TAF4: variants seen among roughly 807,000 people sequenced by gnomAD.
The protein encoded by TAF4 is transcription initiation factor TFIID subunit 4.
In TAF4, 9 loss-of-function variants were observed where a neutral mutation model predicts 90.3. The observed-to-expected ratio is 0.10, with a 90% CI of 0.06 to 0.17. The LOEUF (loss-of-function observed/expected upper bound fraction) is 0.17, where lower values mean the gene tolerates loss of function less well. Among genes scored for constraint, TAF4 ranks in the 10% least tolerant of loss-of-function variants. The pLI is 1.00. For missense variants in TAF4, 1,351 were observed against 1,370.7 expected (o/e 0.99, Z 0.23); for synonymous variants, 818 against 638.9 (o/e 1.28, Z -4.23).
chr20:61,990,513 C>A (rs1484879182), intron 14 of TAF4, among the ~76,000 whole-genome samples: 1 of 152,176 alleles, frequency 6.6e-6, no homozygotes, highest in Non-Finnish European at 1.5e-5. Context: ...CAGCCATCAC[C>A]TGAAGGACGC....
intron 9 of TAF4, 66 bp downstream of exon 9, chr20:62,003,094 G>A (rs2055717699): frequency 1.4e-6 from 2 of 1,409,422 alleles, no homozygotes; most frequent in Admixed American, 1.7e-5. Flanking sequence ...GAATGGAGCA[G>A]CACGGACTCT....
At chr20:62,055,931 A>ACACC (rs1366500051) in intron 1 of TAF4, among the ~76,000 whole-genome samples, 1 of 152,176 alleles carries the variant, frequency 6.6e-6, no homozygotes, top group Non-Finnish European at 1.5e-5. Flanking sequence ...GGCCCAGTAC[A>ACACC]CACCCTCGGA....
chr20:62,004,531 T>C (rs879093680), intron 7 of TAF4: 1 of 151,886 alleles, frequency 6.6e-6, no homozygotes, highest in Admixed American at 6.6e-5. Context: ...TTTCACCACA[T>C]TGGCCAGGTT....
In TAF4 at chr20:62,063,449, G is replaced by C. The variant is rs1356456643; in HGVS notation, c.1360+1002C>G. Among the ~76,000 whole-genome samples the C allele has an allele frequency of 2.6e-5, 4 of 152,172 alleles. No homozygotes were observed. The East Asian group carries it at 7.7e-4, about 29-fold the overall frequency. On this transcript the variant is annotated intron_variant, in intron 1 of 14. Transcript: ENST00000252996. The stretch of plus-strand genomic sequence containing the variant: ...TGCCCAGCACCCACCACGGCGGCTG[G>C]GGAGGGACGGGGAGCCCCAGACAAA...
At chr20:62,034,208 G>A (rs941426512) in intron 1 of TAF4, among the ~76,000 whole-genome samples, 5 of 152,176 alleles carry the variant, frequency 3.3e-5, no homozygotes, top group African/African-American at 1.2e-4. Flanking sequence ...TTCTCTAGGT[G>A]CGACCCTCAA....
intron 1 of TAF4, among the ~76,000 whole-genome samples, chr20:62,017,883 CA>C (rs908335712): frequency 3.8e-4 from 56 of 147,388 alleles, no homozygotes; most frequent in Admixed American, 1.1e-3. Flanking sequence ...GGAATACGTT[CA>C]AAAAAAAAAG....
chr20:62,022,642 G>T (rs1220616178), intron 1 of TAF4, among the ~76,000 whole-genome samples: 1 of 152,156 alleles, frequency 6.6e-6, no homozygotes, highest in Non-Finnish European at 1.5e-5. Flanking sequence ...CTCTAAGCGG[G>T]TGCTGTGCTG....
chr20:62,021,502 C>CA (rs1418344495), intron 1 of TAF4, among the ~76,000 whole-genome samples: 13 of 152,252 alleles, frequency 8.5e-5, no homozygotes, highest in South Asian at 2.1e-4. Flanking sequence ...TGGCTCGACT[C>CA]AAACAGCGTG....
intron 1 of TAF4, among the ~76,000 whole-genome samples, chr20:62,022,315 C>G (rs1192280372): frequency 1.3e-5 from 2 of 152,136 alleles, no homozygotes; most frequent in Admixed American, 6.5e-5. Context: ...AAGGCAGCCC[C>G]TCTGGAAGGC....
Position 62,065,291 on chromosome 20 carries a change from G to T in TAF4, c.520C>A (p.Pro174Thr). 3.3e-6 allele frequency: 3 copies of T among 921,328 alleles called. No homozygotes were observed. Among genetic ancestry groups the T allele is most frequent in the South Asian group, 5.0e-5 (1 of 20,166 alleles). The allele number at this position is 921,328 out of a possible 1,614,324, so 57.1% of individuals were successfully genotyped here. A position where few individuals can be genotyped will look rare whatever the true frequency, so the allele number is the denominator to read the frequency against. Residue 174 changes from proline (P) to threonine (T), a missense_variant, in exon 1 of 15, where the codon CCC (proline) becomes ACC (threonine). Physicochemically the swap from Pro to Thr is conservative, Grantham distance 38. Around this residue, in one of 9 missense-constraint regions of TAF4, gnomAD observed 782 missense variants for 536.6 expected, o/e 1.46. Transcript: ENST00000252996. Reference protein sequence around the residue: ...AALAARAGPGPGPGPGPGPGP... With the variant: ...AALAARAGPGTGPGPGPGPGP... Reference sequence around the variant, plus strand: ...GGGCCGGGGCCGGGGCCGGGCCCGGGGCCGGGGCCGGCGCGGGCGGCCAGC... The same window carrying T: ...GGGCCGGGGCCGGGGCCGGGCCCGGTGCCGGGGCCGGCGCGGGCGGCCAGC...
intron 12 of TAF4, 36 bp downstream of exon 12, chr20:61,998,947 G>A: frequency 6.2e-7 from 1 of 1,607,496 alleles, no homozygotes; most frequent in Non-Finnish European, 8.5e-7. Flanking sequence ...TGAGACGGAG[G>A]TGCCCAGACG....
At chr20:62,021,476 G>C (rs1473594291) in intron 1 of TAF4, among the ~76,000 whole-genome samples, 1 of 152,270 alleles carries the variant, frequency 6.6e-6, no homozygotes, top group Non-Finnish European at 1.5e-5. Flanking sequence ...ACAGGGAGCA[G>C]AAGCAGCACA....
rs1045880834 is a variant in TAF4 at position 62,065,859 on chromosome 20, T to C, written c.-49A>G. 1.9e-4 allele frequency: 227 copies of C among 1,192,916 alleles called. No individual in the cohort carries two copies. The highest frequency in any genetic ancestry group is 2.2e-4 in the Non-Finnish European group (203 of 942,624). 73.9% of individuals were successfully genotyped at this position (1,192,916 alleles called of 1,614,324 possible). Reference sequence around the variant, plus strand: ...CGCCGCCGCTCGGGCCGAGCGCGCCTGGGCGAGGAGGAGGTTCCGACTGGG... The same window carrying C: ...CGCCGCCGCTCGGGCCGAGCGCGCCCGGGCGAGGAGGAGGTTCCGACTGGG... On this transcript the variant is annotated 5_prime_UTR_variant, in exon 1 of 15. Transcript: ENST00000252996.
At chr20:61,982,405 A>C (rs1363622028) in intron 14 of TAF4, among the ~76,000 whole-genome samples, 1 of 126,658 alleles carries the variant, frequency 7.9e-6, no homozygotes. Context: ...CACACAACCT[A>C]CACCCACCCA....
Position 62,000,200 on chromosome 20 carries a change from T to C in TAF4, c.2711A>G (p.His904Arg). The change falls in exon 11 of 15, where the codon CAT becomes CGT. Residue 904 changes from histidine to arginine, a missense_variant. His to Arg is a conservative substitution (Grantham distance 29, BLOSUM62 0). Coordinates refer to ENST00000252996, the MANE Select transcript of TAF4 (RefSeq NM_003185.4). Reference protein sequence around the residue: ...LHPDVVSYVSHATQQRLQNLV... With the variant: ...LHPDVVSYVSRATQQRLQNLV... ...ATTCTGTAGCCTTTGTTGCGTGGCA[T>C]GTGATACATAACTTACTACATCTGG... 6.2e-7 allele frequency: 1 copy of C among 1,614,264 alleles called. No homozygotes were observed.
chr20:61,987,706 A>G (rs1221300264), intron 14 of TAF4, among the ~76,000 whole-genome samples: 1 of 152,236 alleles, frequency 6.6e-6, no homozygotes, highest in Non-Finnish European at 1.5e-5. Context: ...CGGTCCAGCA[A>G]TCGTGCTCCT....
rs528715608 is a variant in TAF4 at position 62,037,664 on chromosome 20, A to C, written c.1361-22957T>G. ...ACCCTCACATTCAGTGTGACTCTCC[A>C]CATTTTTAATTGTGTGCAGCAAAAA... On this transcript the variant is annotated intron_variant, in intron 1 of 14. Coordinates refer to ENST00000252996, the MANE Select transcript of TAF4 (RefSeq NM_003185.4). The C allele has an allele frequency of 2.1e-4, 38 of 181,346 alleles. 1 individual carries two copies. The highest frequency in any genetic ancestry group is 1.9e-3 in the Admixed American group (36 of 18,504). The allele number at this position is 181,346 out of a possible 1,614,324, so 11.2% of individuals were successfully genotyped here. A position where few individuals can be genotyped will look rare whatever the true frequency, so the allele number is the denominator to read the frequency against.
chr20:61,977,911 G>A (rs912905973), intron 14 of TAF4, among the ~76,000 whole-genome samples: 1 of 152,228 alleles, frequency 6.6e-6, no homozygotes, highest in African/African-American at 2.4e-5. Flanking sequence ...CTTCAAAATA[G>A]TTCAGCAGCT....
intron 9 of TAF4, 35 bp from the exon 10 acceptor site, chr20:62,000,756 C>T (rs770613538): frequency 1.2e-6 from 2 of 1,610,074 alleles, no homozygotes; most frequent in Non-Finnish European, 1.7e-6. Flanking sequence ...TTTAACTGTA[C>T]AAGGAATTCA....
Sources: allele counts gnomAD v4.1 joint callset (sites outside exome capture counted in the v4.1 genomes callset), GRCh38; gene constraint gnomAD v4.1.1; regional missense constraint gnomAD v4.1.1; transcripts MANE v1.5; gene names NCBI Gene and HGNC (gene_info 2026-07-23, HGNC 2026-07-21).